Variants in THRAP3 observed in about 807,000 individuals in gnomAD.
THRAP3 encodes the protein thyroid hormone receptor-associated protein 3.
In THRAP3, 16 loss-of-function variants were observed where a neutral mutation model predicts 101.0. The observed-to-expected ratio is 0.16, with a 90% CI of 0.11 to 0.24. The LOEUF is 0.24. Ranked by LOEUF, THRAP3 falls within the 10% of genes least tolerant of loss-of-function variation. THRAP3 has a pLI of 1.00. For synonymous variants in THRAP3, 407 were observed against 422.6 expected (o/e 0.96, Z 0.45); for missense variants, 989 against 1,202.7 (o/e 0.82, Z 2.63).
intron 2 of THRAP3, among the ~76,000 whole-genome samples, chr1:36,274,970 T>TG (rs1280167591): frequency 1.4e-5 from 2 of 146,966 alleles, no homozygotes; most frequent in African/African-American, 2.5e-5. Context: ...GACAATTCAG[T>TG]GGGGAAAGAA....
rs1369276281 is a variant in THRAP3, at chr1:36,287,211, A to G, written c.981A>G (p.Thr327=). 2 of 1,614,020 alleles carry G rather than the reference A, an allele frequency of 1.2e-6. No individual in the cohort carries two copies. Among genetic ancestry groups the G allele is most frequent in the Non-Finnish European group, 1.7e-6 (2 of 1,180,018 alleles). The change falls in exon 4 of 12, where the codon ACA becomes ACG. Residue 327 remains threonine, a synonymous_variant. Coordinates refer to ENST00000354618, the MANE Select transcript of THRAP3 (RefSeq NM_005119.4). ...AGAGTCCACCATCCACTGGCTCCAC[A>G]TATGGCTCATCTCAGAAGGAGGAGA... ...VGKSPPSTGS[T]YGSSQKEESA... is the part of the protein sequence containing the mutation.
chr1:36,279,468 ATTGT>A (rs1336778080), intron 2 of THRAP3, among the ~76,000 whole-genome samples: 9 of 152,216 alleles, frequency 5.9e-5, no homozygotes, highest in Admixed American at 1.3e-4. Context: ...CTCATTGTAA[ATTGT>A]TTGTTTATAC....
At chr1:36,257,212 C>T (rs922351379) in intron 1 of THRAP3, among the ~76,000 whole-genome samples, 5 of 152,078 alleles carry the variant, frequency 3.3e-5, no homozygotes, top group African/African-American at 9.7e-5. Context: ...CTTTTTCTTC[C>T]GTCTCTGCTC....
chr1:36,291,592 G>A (rs914136518), intron 6 of THRAP3, 46 bp downstream of exon 6: 26 of 1,591,646 alleles, frequency 1.6e-5, no homozygotes, highest in Non-Finnish European at 2.2e-5. Flanking sequence ...TCCACACTTA[G>A]AAGAAGGATG....
At chr1:36,252,110 A>G (rs1645308524) in intron 1 of THRAP3, among the ~76,000 whole-genome samples, 1 of 152,060 alleles carries the variant, frequency 6.6e-6, no homozygotes, top group South Asian at 2.1e-4. Flanking sequence ...ACTATTCATG[A>G]GGGTTTATTT....
chr1:36,233,472 C>T (rs1280634820), intron 1 of THRAP3, among the ~76,000 whole-genome samples: 1 of 151,346 alleles, frequency 6.6e-6, no homozygotes, highest in Non-Finnish European at 1.5e-5. Context: ...TGTGACTGCA[C>T]TCCAGCCTTC....
chr1:36,301,581 G>T lies in THRAP3; in HGVS notation c.2531G>T (p.Gly844Val), dbSNP rs373160534. 52 of 1,614,018 alleles carry T rather than the reference G, an allele frequency of 3.2e-5. No homozygotes were observed. The African/African-American group carries it at 6.7e-4, about 21-fold the overall frequency. ...FQFRARGRGWGRGNYSGNNNN... is the reference protein window; with the variant it reads ...FQFRARGRGWVRGNYSGNNNN... ...TTTCGAGCCAGAGGAAGAGGCTGGG[G>T]CAGAGGCAACTACTCTGGGAACAAT... is the stretch of plus-strand genomic sequence containing the variant. The change falls in exon 11 of 12, where the codon GGC becomes GTC. Residue 844 changes from glycine to valine, a missense_variant. Gly to Val is a moderately radical substitution (Grantham distance 109). Transcript: ENST00000354618.
chr1:36,225,147 C>T (rs41267275), intron 1 of THRAP3: 2,929 of 152,322 alleles, frequency 0.019, 48 homozygotes, highest in Non-Finnish European at 0.031. Flanking sequence ...CTTTTATCAA[C>T]TGTTGTCTTT....
intron 1 of THRAP3, among the ~76,000 whole-genome samples, chr1:36,256,829 A>T (rs1645381784): frequency 6.6e-6 from 1 of 151,044 alleles, no homozygotes; most frequent in South Asian, 2.1e-4. Flanking sequence ...GAGTTTCGCT[A>T]TTGTTGTCCA....
the THRAP3 span, among the ~76,000 whole-genome samples, chr1:36,212,030 C>G: frequency 1.3e-5 from 2 of 152,142 alleles, no homozygotes; most frequent in Non-Finnish European, 2.9e-5. Flanking sequence ...TGGAAAAGTC[C>G]ATAGGTGCTG....
the THRAP3 span, among the ~76,000 whole-genome samples, chr1:36,210,435 T>G: frequency 1.4e-5 from 2 of 148,070 alleles, no homozygotes; most frequent in Non-Finnish European, 3.0e-5. Flanking sequence ...ACATCTGTAA[T>G]CCTAGCACTT....
At chr1:36,300,133 G>A (rs1646013741) in intron 9 of THRAP3, among the ~76,000 whole-genome samples, 1 of 152,146 alleles carries the variant, frequency 6.6e-6, no homozygotes, top group Non-Finnish European at 1.5e-5. Context: ...ATGACTCATC[G>A]TATTAAGCTA....
intron 11 of THRAP3, among the ~76,000 whole-genome samples, chr1:36,302,262 C>G (rs1035977813): frequency 2.0e-5 from 3 of 152,168 alleles, no homozygotes; most frequent in Non-Finnish European, 4.4e-5. Context: ...TAACAGCAGA[C>G]TAAGATCCAA....
At chr1:36,216,273 A>G in the THRAP3 span, among the ~76,000 whole-genome samples, 1 of 151,890 alleles carries the variant, frequency 6.6e-6, no homozygotes, top group Non-Finnish European at 1.5e-5. Flanking sequence ...TAATCCCAAC[A>G]TTTTGAAAGG....
intron 8 of THRAP3, among the ~76,000 whole-genome samples, chr1:36,294,839 G>A (rs867510030): frequency 6.6e-6 from 1 of 152,176 alleles, no homozygotes; most frequent in Non-Finnish European, 1.5e-5. Context: ...GTTACCCCTG[G>A]GAGCAGTGTT....
chr1:36,220,893 C>A (rs1303827468), upstream of THRAP3, among the ~76,000 whole-genome samples: 2 of 141,896 alleles, frequency 1.4e-5, no homozygotes, highest in Non-Finnish European at 1.5e-5. Flanking sequence ...GGCGCAGAGA[C>A]TGCAGTGAGC....
Position 36,293,028 on chromosome 1 carries a change from C to CTTTTTTTTTTTTGTTTTTTTTTTTTTTT in THRAP3, c.2030+331_2030+332insGTTTTTTTTTTTTTTTTTTTTTTTTTTT, listed in dbSNP as rs1645897017. Among the ~76,000 whole-genome samples the CTTTTTTTTTTTTGTTTTTTTTTTTTTTT allele has an allele frequency of 2.4e-5, 2 of 82,798 alleles. 1 individual carries two copies. Among genetic ancestry groups the CTTTTTTTTTTTTGTTTTTTTTTTTTTTT allele is most frequent in the Admixed American group, 3.9e-4 (2 of 5,188 alleles). The allele number at this position is 82,798 out of a possible 152,430, so 54.3% of individuals were successfully genotyped here. On this transcript the variant is annotated intron_variant, in intron 7 of 11. Transcript: ENST00000354618. The stretch of plus-strand genomic sequence containing the variant: ...AGTAAATGCTAGTTTCTTTTCTTGT[C>CTTTTTTTTTTTTGTTTTTTTTTTTTTTT]TTTTTTTTTTTTTTTTTTGAGATGG...
Position 36,258,515 on chromosome 1 carries a change from C to G in THRAP3, c.-134-867C>G, listed in dbSNP as rs551888472. On this transcript the variant is annotated intron_variant, in intron 1 of 11. Transcript: ENST00000354618. ...TCTTGAGGCGAAGTCTCACTCTGTC[C>G]CCCAGGCTGGAGTACAGTGGCGCGA... Among the ~76,000 whole-genome samples, 21 of 152,108 alleles carry G rather than the reference C, an allele frequency of 1.4e-4. 1 individual carries two copies. The South Asian group carries it at 4.1e-3, about 30-fold the overall frequency.
At chr1:36,260,057 C>T (rs922275701) in intron 2 of THRAP3, among the ~76,000 whole-genome samples, 2 of 151,878 alleles carry the variant, frequency 1.3e-5, no homozygotes, top group Non-Finnish European at 2.9e-5. Context: ...GCCTGGCCAA[C>T]ATAGTGAAAC....
Sources: allele counts gnomAD v4.1 joint callset (sites outside exome capture counted in the v4.1 genomes callset), GRCh38; gene constraint gnomAD v4.1.1; transcripts MANE v1.5; gene names NCBI Gene and HGNC (gene_info 2026-07-23, HGNC 2026-07-21).